Variants in GRAMD1B observed in about 807,000 individuals in gnomAD.
GRAMD1B encodes the protein protein Aster-B.
A neutral mutation model predicts 99.7 loss-of-function variants in GRAMD1B; 37 were observed. The observed-to-expected ratio is 0.37, with a 90% CI of 0.29 to 0.49. GRAMD1B has a LOEUF of 0.49. Ranked by LOEUF, GRAMD1B falls within the 20% of genes least tolerant of loss-of-function variation. GRAMD1B has a pLI of 0.98. For synonymous variants in GRAMD1B, 427 were observed against 387.6 expected (o/e 1.10, Z -1.19); for missense variants, 888 against 1,009.2 (o/e 0.88, Z 1.63).
Position 123,548,291 on chromosome 11 carries a change from AATATATATATATATATAT to A in GRAMD1B, c.453-29058_453-29041del, listed in dbSNP as rs139996126. On this transcript the variant is annotated intron_variant, in intron 2 of 19. Coordinates refer to ENST00000635736, the MANE Select transcript of GRAMD1B (RefSeq NM_001387025.1). Reference sequence around the variant, plus strand: ...AATTGGAAGAGTCAGGCTGTGCCAAAATATATATATATATATATATATATATATATATATACACACACA... The same window carrying A: ...AATTGGAAGAGTCAGGCTGTGCCAAAATATATATATATATATACACACACA... Among the ~76,000 whole-genome samples, 188 of 75,160 alleles carry A rather than the reference AATATATATATATATATAT, an allele frequency of 2.5e-3. 3 individuals are homozygous for A. Among genetic ancestry groups the A allele is most frequent in the African/African-American group, 2.6e-3 (48 of 18,378 alleles). 49.3% of individuals were successfully genotyped at this position (75,160 alleles called of 152,430 possible).
chr11:123,494,502 C>T (rs1938992742), intron 2 of GRAMD1B, among the ~76,000 whole-genome samples: 1 of 151,588 alleles, frequency 6.6e-6, no homozygotes, highest in Non-Finnish European at 1.5e-5. Context: ...CTGTCTTGCT[C>T]CTGCTTCCCC....
At chr11:123,503,912 T>G (rs1220189173) in intron 2 of GRAMD1B, among the ~76,000 whole-genome samples, 1 of 152,224 alleles carries the variant, frequency 6.6e-6, no homozygotes, top group Non-Finnish European at 1.5e-5. Context: ...TGAAATAGTA[T>G]TATTATGACC....
At chr11:123,606,901 A>G in intron 11 of GRAMD1B, 103 bp downstream of exon 11, 6 of 833,820 alleles carry the variant, frequency 7.2e-6, no homozygotes, top group Non-Finnish European at 1.1e-5. Context: ...TTCCTGGTGG[A>G]GAGATGGGAG....
chr11:123,419,455 C>A (rs890475753), intron 1 of GRAMD1B, among the ~76,000 whole-genome samples: 2 of 152,102 alleles, frequency 1.3e-5, no homozygotes, highest in African/African-American at 4.8e-5. Context: ...CATAGCCAGA[C>A]CCTGTGTCTA....
chr11:123,363,098 T>G (rs1946200293), intron 1 of GRAMD1B, among the ~76,000 whole-genome samples: 1 of 152,044 alleles, frequency 6.6e-6, no homozygotes, highest in Non-Finnish European at 1.5e-5. Context: ...AGCAGCACCT[T>G]GCTTTCAGGT....
intron 1 of GRAMD1B, among the ~76,000 whole-genome samples, chr11:123,406,400 T>C (rs1167638989): frequency 2.0e-5 from 3 of 152,072 alleles, no homozygotes; most frequent in African/African-American, 7.2e-5. Flanking sequence ...ACTACAGGCA[T>C]GTGCCACCAC....
intron 1 of GRAMD1B, among the ~76,000 whole-genome samples, chr11:123,363,705 C>A (rs1355313509): frequency 6.6e-6 from 1 of 152,006 alleles, no homozygotes; most frequent in African/African-American, 2.4e-5. Flanking sequence ...TGAGTGGAAG[C>A]CTTGCTTAGA....
chr11:123,405,718 C>T (rs1947832707), intron 1 of GRAMD1B, among the ~76,000 whole-genome samples: 1 of 152,174 alleles, frequency 6.6e-6, no homozygotes. Context: ...GCAGAAGATT[C>T]TGGAGGACTT....
At chr11:123,483,629 C>T (rs537598214) in intron 2 of GRAMD1B, among the ~76,000 whole-genome samples, 7 of 152,226 alleles carry the variant, frequency 4.6e-5, no homozygotes, top group African/African-American at 1.7e-4. Flanking sequence ...TCAAGTGACC[C>T]GCCTGCTTCA....
intron 1 of GRAMD1B, among the ~76,000 whole-genome samples, chr11:123,360,910 G>A (rs866631466): frequency 2.0e-5 from 3 of 151,400 alleles, no homozygotes; most frequent in Non-Finnish European, 2.9e-5. Context: ...TCCGCCTTCC[G>A]GTTTCAAGTG....
intron 4 of GRAMD1B, among the ~76,000 whole-genome samples, chr11:123,586,651 A>C (rs1199532989): frequency 6.6e-6 from 1 of 152,164 alleles, no homozygotes; most frequent in African/African-American, 2.4e-5. Context: ...TCCTCTCCGC[A>C]GCACCCCTCC....
At chr11:123,402,654 A>T (rs1412101754) in intron 1 of GRAMD1B, among the ~76,000 whole-genome samples, 1 of 152,204 alleles carries the variant, frequency 6.6e-6, no homozygotes, top group Non-Finnish European at 1.5e-5. Flanking sequence ...GAACCACTTC[A>T]GACTTTCTGC....
At chr11:123,364,400 C>T (rs2135694738) in intron 1 of GRAMD1B, among the ~76,000 whole-genome samples, 1 of 152,338 alleles carries the variant, frequency 6.6e-6, no homozygotes, top group Middle Eastern at 3.4e-3. Flanking sequence ...CGGCATGAGC[C>T]ATCTGAGTGT....
intron 2 of GRAMD1B, among the ~76,000 whole-genome samples, chr11:123,565,813 C>A (rs1947304215): frequency 6.6e-6 from 1 of 152,226 alleles, no homozygotes; most frequent in Admixed American, 6.5e-5. Context: ...GTGAACCCAG[C>A]AGGACTGTCC....
At chr11:123,367,856 T>C (rs968700665) in intron 1 of GRAMD1B, among the ~76,000 whole-genome samples, 19 of 152,078 alleles carry the variant, frequency 1.2e-4, no homozygotes, top group African/African-American at 4.3e-4. Flanking sequence ...CTGATGGAGT[T>C]TGGACTCTGG....
intron 2 of GRAMD1B, among the ~76,000 whole-genome samples, chr11:123,518,850 A>G (rs191977267): frequency 6.6e-6 from 1 of 152,284 alleles, no homozygotes; most frequent in East Asian, 1.9e-4. Context: ...TTTGGCTTTG[A>G]TATTGCTCAT....
At chr11:123,389,948 G>C (rs1277376396) in intron 1 of GRAMD1B, among the ~76,000 whole-genome samples, 1 of 151,994 alleles carries the variant, frequency 6.6e-6, no homozygotes, top group Non-Finnish European at 1.5e-5. Context: ...GTAGAGACAG[G>C]GTTTCACCAT....
chr11:123,571,124 A>G (rs781096067), intron 2 of GRAMD1B, among the ~76,000 whole-genome samples: 9 of 152,232 alleles, frequency 5.9e-5, no homozygotes, highest in Non-Finnish European at 1.2e-4. Flanking sequence ...TCTGGGGCAG[A>G]AATGATTTTC....
At chr11:123,428,919 T>C (rs1219981979), upstream of GRAMD1B, among the ~76,000 whole-genome samples, 6 of 152,162 alleles carry the variant, frequency 3.9e-5, no homozygotes, top group Admixed American at 1.3e-4. Context: ...AGGCTGGGCA[T>C]GGTGGCTCAT....
Sources: gnomAD v4.1 joint callset for allele counts (sites outside exome capture counted in the v4.1 genomes callset) on GRCh38, gnomAD v4.1.1 for gene constraint, MANE v1.5 for transcripts, NCBI Gene and HGNC (gene_info 2026-07-23, HGNC 2026-07-21) for gene names.